The following EGFLAM variants were observed in gnomAD, a reference collection of about 807,000 sequenced individuals.
The protein encoded by EGFLAM is EGF like, fibronectin type III and laminin G domains.
Under a neutral mutation model 113.1 loss-of-function variants are expected in EGFLAM, and 79 were observed. The observed-to-expected ratio is 0.70, with a 90% CI of 0.58 to 0.84. The LOEUF (loss-of-function observed/expected upper bound fraction) is 0.84. EGFLAM is among the 40% of genes least tolerant of loss of function. The probability of loss-of-function intolerance (pLI) is 0.00; values close to 1 mark genes in which losing one functional copy is unlikely to be tolerated. For synonymous variants in EGFLAM, 504 were observed against 487.6 expected (o/e 1.03, Z -0.44); for missense variants, 1,265 against 1,291.6 (o/e 0.98, Z 0.32).
At chr5:38,442,325 T>A (rs1742571364) in intron 17 of EGFLAM, among the ~76,000 whole-genome samples, 1 of 148,014 alleles carries the variant, frequency 6.8e-6, no homozygotes, top group South Asian at 2.1e-4. Flanking sequence ...ATATTTAATA[T>A]CAATATATTA....
intron 1 of EGFLAM, among the ~76,000 whole-genome samples, chr5:38,319,666 A>T (rs1456454883): frequency 6.6e-6 from 1 of 152,214 alleles, no homozygotes; most frequent in Non-Finnish European, 1.5e-5. Flanking sequence ...AATGGGGAAG[A>T]TGATGGGTTC....
chr5:38,364,160 G>C (rs1243876021), intron 5 of EGFLAM, among the ~76,000 whole-genome samples: 1 of 152,168 alleles, frequency 6.6e-6, no homozygotes, highest in African/African-American at 2.4e-5. Flanking sequence ...TATGTATGGA[G>C]TATCTCATGT....
At chr5:38,318,371 ATATAGTGTAGT>A (rs1738655380) in intron 1 of EGFLAM, among the ~76,000 whole-genome samples, 1 of 151,192 alleles carries the variant, frequency 6.6e-6, no homozygotes, top group Non-Finnish European at 1.5e-5. Flanking sequence ...TATACTAACT[ATATAGTGTAGT>A]TATATACTAT....
chr5:38,361,560 T>C (rs1474524497), intron 5 of EGFLAM, among the ~76,000 whole-genome samples: 3 of 152,038 alleles, frequency 2.0e-5, no homozygotes, highest in East Asian at 3.9e-4. Flanking sequence ...CTGGGCCACA[T>C]TGGAAGAGGA....
chr5:38,444,728 T>C (rs1486699651), intron 17 of EGFLAM, among the ~76,000 whole-genome samples: 1 of 152,174 alleles, frequency 6.6e-6, no homozygotes, highest in African/African-American at 2.4e-5. Context: ...GTGGATCACC[T>C]GAGGTCAGGA....
At position 38,418,138 on chromosome 5, in the gene EGFLAM, A is replaced by G; in HGVS notation, c.1567A>G (p.Arg523Gly). 2 of 1,614,236 alleles carry G rather than the reference A, an allele frequency of 1.2e-6. No individual in the cohort carries two copies. The highest frequency in any genetic ancestry group is 1.7e-6 in the Non-Finnish European group (2 of 1,180,030). ...CGCTCCCAGCGCTTACTGGTTGGTT[A>G]GAGCAACAGGGACAAACCGAGGCTT... Reference protein sequence around the residue: ...GGAPSAYWLVRATGTNRGFQG... With the variant: ...GGAPSAYWLVGATGTNRGFQG... Residue 523 changes from arginine (R) to glycine (G), a missense_variant, in exon 12 of 22, where the codon AGA becomes GGA. Physicochemically the swap from Arg to Gly is moderately radical, Grantham distance 125. Coordinates refer to ENST00000322350, the MANE Select transcript of EGFLAM (RefSeq NM_152403.4).
intron 20 of EGFLAM, chr5:38,460,857 G>A (rs550075843): frequency 6.6e-6 from 1 of 152,324 alleles, no homozygotes; most frequent in Admixed American, 6.5e-5. Flanking sequence ...TTGCCCAGGG[G>A]GCCTTGCTTT....
rs548267340 is a variant in EGFLAM at position 38,445,808 on chromosome 5, C to A, written c.2465-2493C>A. ...TGAGTGGTGTGGGAGCTGGGACATG[C>A]CTACGCGTGGTGGGAAGCCTCCCCG... On this transcript the variant is annotated intron_variant, in intron 17 of 21. Transcript: ENST00000322350. 702 of 1,221,586 alleles carry A rather than the reference C, an allele frequency of 5.7e-4. 9 individuals are homozygous for A. The South Asian group carries it at 8.1e-3, about 14-fold the overall frequency. 75.7% of individuals were successfully genotyped at this position (1,221,586 alleles called of 1,614,324 possible).
At chr5:38,307,430 C>T (rs752945771) in intron 1 of EGFLAM, among the ~76,000 whole-genome samples, 32 of 152,206 alleles carry the variant, frequency 2.1e-4, no homozygotes, top group Non-Finnish European at 2.9e-5. Context: ...TTATGGGGGG[C>T]TCCCCTTCAC....
intron 1 of EGFLAM, among the ~76,000 whole-genome samples, chr5:38,317,236 G>T: frequency 6.6e-6 from 1 of 152,166 alleles, no homozygotes; most frequent in East Asian, 1.9e-4. Flanking sequence ...ATATAATGTT[G>T]CATGCAGCTG....
At chr5:38,382,855 A>G (rs1321160786) in intron 6 of EGFLAM, among the ~76,000 whole-genome samples, 1 of 152,158 alleles carries the variant, frequency 6.6e-6, no homozygotes, top group African/African-American at 2.4e-5. Context: ...TTTGAACTCT[A>G]ATCCCAGCAT....
At chr5:38,414,411 G>A (rs573182723) in intron 11 of EGFLAM, among the ~76,000 whole-genome samples, 3 of 152,284 alleles carry the variant, frequency 2.0e-5, no homozygotes, top group East Asian at 1.9e-4. Flanking sequence ...ATGTCTAATC[G>A]CTTAAAGTGG....
At chr5:38,416,477 G>A (rs375484054) in intron 11 of EGFLAM, among the ~76,000 whole-genome samples, 1 of 152,284 alleles carries the variant, frequency 6.6e-6, no homozygotes, top group East Asian at 1.9e-4. Context: ...GAATTCCAGG[G>A]CACTTCCATT....
Position 38,258,627 on chromosome 5 carries a change from C to T in EGFLAM, c.-128C>T. The T allele has an allele frequency of 1.8e-6, 2 of 1,090,452 alleles. No homozygotes were observed. The highest frequency in any genetic ancestry group is 1.4e-6 in the Non-Finnish European group (1 of 735,222). The allele number at this position is 1,090,452 out of a possible 1,614,324, so 67.5% of individuals were successfully genotyped here. On this transcript the variant is annotated 5_prime_UTR_variant, in exon 1 of 22. Coordinates refer to ENST00000322350, the MANE Select transcript of EGFLAM (RefSeq NM_152403.4). ...ACTACCCGTGTTTCCGGGCCCAGCC[C>T]TCGCAGCCCCCCACCTCCTCGCCCC...
At chr5:38,383,453 G>A (rs1740570521) in intron 6 of EGFLAM, among the ~76,000 whole-genome samples, 1 of 150,736 alleles carries the variant, frequency 6.6e-6, no homozygotes, top group African/African-American at 2.4e-5. Context: ...AAAACTGTTT[G>A]GGTGATGTTC....
rs78867494 is a variant in EGFLAM at position 38,397,127 on chromosome 5, G to T, written c.713-8999G>T. On this transcript the variant is annotated intron_variant, in intron 6 of 21. Transcript: ENST00000322350. ...ATGCCTGAGGTGCCATTCTTAAGCTGTGGTCAAATAAGAGTTTCATGAAAC... is the reference window on the plus strand; with the variant it reads ...ATGCCTGAGGTGCCATTCTTAAGCTTTGGTCAAATAAGAGTTTCATGAAAC... 9.5e-3 allele frequency among the ~76,000 whole-genome samples: 1,441 copies of T among 152,322 alleles called. 11 individuals carry two copies. The highest frequency in any genetic ancestry group is 0.015 in the Non-Finnish European group (1,017 of 68,024).
chr5:38,363,407 T>C (rs1485754822), intron 5 of EGFLAM, among the ~76,000 whole-genome samples: 1 of 152,140 alleles, frequency 6.6e-6, no homozygotes, highest in Admixed American at 6.5e-5. Flanking sequence ...GGAAAAAAAA[T>C]TATATCCCTA....
At chr5:38,299,833 G>A (rs1758533150) in intron 1 of EGFLAM, among the ~76,000 whole-genome samples, 1 of 152,084 alleles carries the variant, frequency 6.6e-6, no homozygotes, top group African/African-American at 2.4e-5. Context: ...CTCCCAGAAA[G>A]GTGTTAGGAT....
chr5:38,444,204 C>A (rs1742636466), intron 17 of EGFLAM, among the ~76,000 whole-genome samples: 1 of 152,008 alleles, frequency 6.6e-6, no homozygotes, highest in Non-Finnish European at 1.5e-5. Flanking sequence ...ATGGCACAAG[C>A]TTTTAGATAT....
Sources: gnomAD v4.1 joint callset for allele counts (sites outside exome capture counted in the v4.1 genomes callset) on GRCh38, gnomAD v4.1.1 for gene constraint, MANE v1.5 for transcripts, NCBI Gene and HGNC (gene_info 2026-07-23, HGNC 2026-07-21) for gene names.